The following WDR72 variants were observed in gnomAD, a reference collection of about 807,000 sequenced individuals.
WDR72 encodes the protein WD repeat-containing protein 72.
A neutral mutation model predicts 124.2 loss-of-function variants in WDR72; 120 were observed. The observed-to-expected ratio is 0.97, with a 90% CI of 0.83 to 1.12. The LOEUF (loss-of-function observed/expected upper bound fraction) is 1.12. Among genes scored for constraint, WDR72 ranks in the 50% most tolerant of loss-of-function variants. The pLI, the probability that WDR72 is intolerant of heterozygous loss-of-function variation, is 0.00. For synonymous variants in WDR72, 452 were observed against 441.7 expected (o/e 1.02, Z -0.29); for missense variants, 1,387 against 1,278.8 (o/e 1.08, Z -1.29).
At position 53,548,829 on chromosome 15, in the gene WDR72, A is replaced by G. The variant is rs538912785; in HGVS notation, c.3149-25507T>C. Among the ~76,000 whole-genome samples the G allele has an allele frequency of 2.0e-5, 3 of 152,318 alleles. No individual in the cohort carries two copies. In the East Asian group the frequency reaches 5.8e-4, roughly 29 times the overall value. Reference sequence around the variant, plus strand: ...CACAGCAGTTACAGGAGACATGTTTAGAATTCAGAGTCAACAGAGAGAGAT... The same window carrying G: ...CACAGCAGTTACAGGAGACATGTTTGGAATTCAGAGTCAACAGAGAGAGAT... On this transcript the variant is annotated intron_variant, in intron 18 of 19. Transcript: ENST00000360509.
intron 14 of WDR72, among the ~76,000 whole-genome samples, chr15:53,626,285 C>G (rs56372661): frequency 6.6e-6 from 1 of 152,086 alleles, no homozygotes; most frequent in Non-Finnish European, 1.5e-5. Context: ...GGAAGAGAAC[C>G]GTGGGACCCA....
chr15:53,657,992 C>T (rs2015486244), intron 14 of WDR72, among the ~76,000 whole-genome samples: 1 of 152,118 alleles, frequency 6.6e-6, no homozygotes, highest in South Asian at 2.1e-4. Flanking sequence ...TTGAAAAAGG[C>T]ATTTGAGAAA....
At chr15:53,727,690 A>C (rs368654370) in intron 2 of WDR72, among the ~76,000 whole-genome samples, 1 of 152,286 alleles carries the variant, frequency 6.6e-6, no homozygotes, top group Non-Finnish European at 1.5e-5. Flanking sequence ...AGGGAACATC[A>C]AGGATATTCC....
At chr15:53,570,686 G>T (rs190963046) in intron 18 of WDR72, among the ~76,000 whole-genome samples, 8 of 151,550 alleles carry the variant, frequency 5.3e-5, no homozygotes, top group Admixed American at 5.3e-4. Flanking sequence ...GTCTCTCAAA[G>T]AACTAAAAAT....
intron 1 of WDR72, among the ~76,000 whole-genome samples, chr15:53,736,830 A>G (rs1207568819): frequency 6.6e-6 from 1 of 152,218 alleles, no homozygotes; most frequent in Non-Finnish European, 1.5e-5. Flanking sequence ...AATTGGTTAC[A>G]TAACAGACTG....
At chr15:53,700,820 G>C (rs2017149796) in intron 12 of WDR72, among the ~76,000 whole-genome samples, 1 of 152,068 alleles carries the variant, frequency 6.6e-6, no homozygotes, top group Non-Finnish European at 1.5e-5. Context: ...GCCTAGACTT[G>C]CAGAACGGAT....
chr15:53,530,980 C>G (rs1413234272), intron 18 of WDR72, among the ~76,000 whole-genome samples: 1 of 152,046 alleles, frequency 6.6e-6, no homozygotes, highest in Non-Finnish European at 1.5e-5. Context: ...ATCTCTATCT[C>G]AAGGGAAAGC....
chr15:53,722,846 C>T lies in WDR72; in HGVS notation c.216G>A (p.Arg72=). The change falls in exon 3 of 20, where the codon AGG becomes AGA. Residue 72 remains arginine, a synonymous_variant. Transcript: ENST00000360509. ...CAATGTAGGGCTGTTTAGAGAAGTC[C>T]CTTGCTCTTGCCAAACATGTTACCG... ...SASVTCLARA[R]DFSKQPYIVS... 1.2e-6 allele frequency: 2 copies of T among 1,612,786 alleles called. No homozygotes were observed. Among genetic ancestry groups the T allele is most frequent in the Non-Finnish European group, 1.7e-6 (2 of 1,179,974 alleles).
At chr15:53,522,623 A>G (rs893922299) in intron 19 of WDR72, among the ~76,000 whole-genome samples, 22 of 152,056 alleles carry the variant, frequency 1.4e-4, no homozygotes, top group African/African-American at 4.8e-4. Flanking sequence ...CTTCTAGTAC[A>G]TTTCTCTTTT....
intron 18 of WDR72, among the ~76,000 whole-genome samples, chr15:53,532,474 C>G (rs1202651643): frequency 6.6e-6 from 1 of 152,052 alleles, no homozygotes; most frequent in Admixed American, 6.6e-5. Context: ...AAAGAATGAA[C>G]TTCTGTCATT....
At chr15:53,598,511 T>G (rs548132596) in intron 17 of WDR72, among the ~76,000 whole-genome samples, 1 of 152,160 alleles carries the variant, frequency 6.6e-6, no homozygotes, top group African/African-American at 2.4e-5. Flanking sequence ...TATGTGATGG[T>G]AGCATGTGAG....
At chr15:53,621,800 T>TC (rs1276741352) in intron 14 of WDR72, among the ~76,000 whole-genome samples, 2 of 151,888 alleles carry the variant, frequency 1.3e-5, no homozygotes, top group African/African-American at 4.8e-5. Context: ...AATAAACATT[T>TC]TTTAAAAAAA....
intron 16 of WDR72, 67 bp from the exon 17 acceptor site, chr15:53,609,659 G>T (rs905150617): frequency 1.5e-6 from 2 of 1,336,324 alleles, no homozygotes; most frequent in Non-Finnish European, 1.1e-6. Flanking sequence ...CTTAAGATGG[G>T]CTGCATATTA....
rs902975893 is a variant in WDR72 at position 53,696,300 on chromosome 15, G to C, written c.1765+3450C>G. 4.7e-4 allele frequency among the ~76,000 whole-genome samples: 72 copies of C among 152,218 alleles called. 1 individual carries two copies. The highest frequency in any genetic ancestry group is 1.7e-3 in the African/African-American group (71 of 41,544). The stretch of plus-strand genomic sequence containing the variant: ...GCCCAGGAAAAATTGACTGGAGTAG[G>C]AAATACACAGACCTTCACCTGAGGA... On this transcript the variant is annotated intron_variant, in intron 13 of 19. Coordinates refer to ENST00000360509, the MANE Select transcript of WDR72 (RefSeq NM_182758.4).
At chr15:53,662,898 G>T (rs2015653901) in intron 14 of WDR72, among the ~76,000 whole-genome samples, 1 of 151,784 alleles carries the variant, frequency 6.6e-6, no homozygotes, top group African/African-American at 2.4e-5. Context: ...GATCTTGCCT[G>T]TAATAGAAAA....
chr15:53,523,360 A>C, intron 18 of WDR72, 38 bp from the exon 19 acceptor site: 1 of 1,491,472 alleles, frequency 6.7e-7, no homozygotes, highest in Non-Finnish European at 9.3e-7. Flanking sequence ...GAGACAGAAG[A>C]GAGAGGATGA....
intron 18 of WDR72, among the ~76,000 whole-genome samples, chr15:53,529,888 C>T (rs895574271): frequency 6.6e-6 from 1 of 151,868 alleles, no homozygotes; most frequent in African/African-American, 2.4e-5. Flanking sequence ...AAAGAGAAAA[C>T]GTGTAGGTTG....
intron 2 of WDR72, among the ~76,000 whole-genome samples, chr15:53,729,791 G>A (rs117892958): frequency 0.023 from 3,399 of 150,636 alleles, 88 homozygotes; most frequent in Admixed American, 0.073. Flanking sequence ...CCATTAGAAT[G>A]GCTATTACAA....
chr15:53,566,642 A>T (rs943262517), intron 18 of WDR72, among the ~76,000 whole-genome samples: 2 of 151,904 alleles, frequency 1.3e-5, no homozygotes, highest in African/African-American at 2.4e-5. Context: ...ACATTTAAGG[A>T]ACAGGTCAAG....
Sources: allele counts gnomAD v4.1 joint callset (sites outside exome capture counted in the v4.1 genomes callset), GRCh38; gene constraint gnomAD v4.1.1; transcripts MANE v1.5; gene names NCBI Gene and HGNC (gene_info 2026-07-23, HGNC 2026-07-21).